The following MED26 variants were observed in gnomAD, a reference collection of about 807,000 sequenced individuals.
MED26 encodes mediator of RNA polymerase II transcription subunit 26.
A neutral mutation model predicts 43.7 loss-of-function variants in MED26; 7 were observed. The ratio of observed to expected loss-of-function variants is 0.16; its 90% CI spans 0.09 to 0.30. The LOEUF (loss-of-function observed/expected upper bound fraction) is 0.30. Among genes scored for constraint, MED26 ranks in the 10% least tolerant of loss-of-function variants. MED26 has a pLI of 1.00. For missense variants in MED26, 784 were observed against 840.6 expected, an observed-to-expected ratio of 0.93 and a Z score of 0.83; for synonymous variants, 375 against 371.1, an observed-to-expected ratio of 1.01 and a Z score of -0.12.
intron 1 of MED26, among the ~76,000 whole-genome samples, chr19:16,579,648 G>A (rs138754450): frequency 1.1e-4 from 17 of 152,256 alleles, no homozygotes; most frequent in South Asian, 8.3e-4. Flanking sequence ...GCTGGCTAGC[G>A]GGTGGGAGCC....
chr19:16,582,620 G>A (rs2086051489), intron 1 of MED26, among the ~76,000 whole-genome samples: 1 of 152,220 alleles, frequency 6.6e-6, no homozygotes, highest in African/African-American at 2.4e-5. Flanking sequence ...GGACTCGTAT[G>A]TGGCTGAGGG....
chr19:16,585,422 T>C (rs2086066205), intron 1 of MED26, among the ~76,000 whole-genome samples: 1 of 151,916 alleles, frequency 6.6e-6, no homozygotes, highest in South Asian at 2.1e-4. Context: ...AGGGAGGACT[T>C]GGCAAGAAGG....
At chr19:16,603,149 C>T (rs1380737871) in intron 1 of MED26, among the ~76,000 whole-genome samples, 2 of 152,224 alleles carry the variant, frequency 1.3e-5, no homozygotes, top group Non-Finnish European at 2.9e-5. Context: ...CCTGCACAGG[C>T]CACTGAGGCA....
At chr19:16,608,082 G>A (rs879879839) in intron 1 of MED26, among the ~76,000 whole-genome samples, 7 of 152,244 alleles carry the variant, frequency 4.6e-5, no homozygotes, top group Admixed American at 4.6e-4. Flanking sequence ...CCAGATCTCC[G>A]TCTGCACACG....
chr19:16,623,320 A>G (rs1361301071), intron 1 of MED26, among the ~76,000 whole-genome samples: 1 of 152,210 alleles, frequency 6.6e-6, no homozygotes, highest in Non-Finnish European at 1.5e-5. Context: ...GAATCTGGGC[A>G]ATTGTGGATC....
intron 1 of MED26, among the ~76,000 whole-genome samples, chr19:16,617,229 A>T (rs73006542): frequency 0.063 from 9,535 of 152,192 alleles, 401 homozygotes; most frequent in Middle Eastern, 0.099. Context: ...CAACTACACC[A>T]GAACACCTAA....
chr19:16,610,246 G>A (rs1389943145), intron 1 of MED26: 1 of 151,994 alleles, frequency 6.6e-6, no homozygotes, highest in Non-Finnish European at 1.5e-5. Flanking sequence ...GACAAGTAAA[G>A]TTTTTAGAGC....
Position 16,576,973 on chromosome 19 carries a change from C to G in MED26, c.857G>C (p.Arg286Pro), listed in dbSNP as rs537713915. 2.5e-6 allele frequency: 4 copies of G among 1,600,550 alleles called. No homozygotes were observed. Among genetic ancestry groups the G allele is most frequent in the Middle Eastern group, 1.7e-4 (1 of 6,028 alleles). Residue 286 changes from arginine (R) to proline (P), a missense_variant, in exon 3 of 3, where the codon CGG becomes CCG. By Grantham distance (103) the Arg-to-Pro change is moderately radical. Around this residue, in one of 3 missense-constraint regions of MED26, gnomAD observed 719 missense variants for 730.9 expected, o/e 0.98. Transcript: ENST00000263390. This position sits in a 1 kb window ranked among gnomAD's most constrained non-coding sequence, Gnocchi z 6.8. ...RNSRHEGSFARQQSLYAPKGS... is the reference protein window; with the variant it reads ...RNSRHEGSFAPQQSLYAPKGS... The stretch of plus-strand genomic sequence containing the variant: ...CTTGGGTGCATACAAGCTCTGCTGC[C>G]GGGCAAAGGAGCCCTCATGCCGTGA...
At chr19:16,578,308 C>T (rs375306589) in intron 2 of MED26, 27 bp downstream of exon 2, 3 of 1,610,732 alleles carry the variant, frequency 1.9e-6, no homozygotes, top group African/African-American at 2.7e-5. Flanking sequence ...TTCTGCCCTC[C>T]CAAATGCTGG....
chr19:16,588,851 A>C (rs944132490), intron 1 of MED26: 3 of 152,250 alleles, frequency 2.0e-5, no homozygotes, highest in Non-Finnish European at 2.9e-5. Context: ...GATCCTGAGA[A>C]CTAGTGACCT....
chr19:16,577,339 T>A lies in MED26; in HGVS notation c.491A>T (p.Lys164Met). The A allele has an allele frequency of 2.5e-6, 4 of 1,611,916 alleles. No individual in the cohort carries two copies. The highest frequency in any genetic ancestry group is 3.4e-6 in the Non-Finnish European group (4 of 1,179,130). Reference protein sequence around the residue: ...RDLGHPGPPPKVSKASHDPLV... With the variant: ...RDLGHPGPPPMVSKASHDPLV... Reference sequence around the variant, plus strand: ...GGGGTCGTGGCTAGCTTTGGAGACCTTGGGTGGCGGCCCTGGGTGGCCGAG... The same window carrying A: ...GGGGTCGTGGCTAGCTTTGGAGACCATGGGTGGCGGCCCTGGGTGGCCGAG... Residue 164 changes from lysine (K) to methionine (M), a missense_variant, in exon 3 of 3, where the codon AAG becomes ATG. Around this residue, in one of 3 missense-constraint regions of MED26, gnomAD observed 719 missense variants for 730.9 expected, o/e 0.98. Coordinates refer to ENST00000263390, the MANE Select transcript of MED26 (RefSeq NM_004831.5). This position sits in a 1 kb window ranked among gnomAD's most constrained non-coding sequence, Gnocchi z 8.1.
At chr19:16,625,525 T>G (rs764431915) in intron 1 of MED26, among the ~76,000 whole-genome samples, 2 of 151,546 alleles carry the variant, frequency 1.3e-5, no homozygotes, top group Non-Finnish European at 2.9e-5. Context: ...TAGTGTTGGC[T>G]CTTCAACACT....
In MED26 at chr19:16,628,005, G is replaced by A. The variant is rs1306475913; in HGVS notation, c.-62C>T. ...GGGCGGGCGGGCTGAGGCGGGGGACGGGGGTCACTCACTCGCCGGCCTCCG... is the reference window on the plus strand; with the variant it reads ...GGGCGGGCGGGCTGAGGCGGGGGACAGGGGTCACTCACTCGCCGGCCTCCG... On this transcript the variant is annotated 5_prime_UTR_variant, in exon 1 of 3. Coordinates refer to ENST00000263390, the MANE Select transcript of MED26 (RefSeq NM_004831.5). The A allele has an allele frequency of 1.2e-5, 13 of 1,099,900 alleles. No individual in the cohort carries two copies. The highest frequency in any genetic ancestry group is 1.9e-5 in the South Asian group (1 of 51,488). The allele number at this position is 1,099,900 out of a possible 1,614,324, so 68.1% of individuals were successfully genotyped here. A position where few individuals can be genotyped will look rare whatever the true frequency, so the allele number is the denominator to read the frequency against.
chr19:16,611,382 G>A (rs1286131555), intron 1 of MED26: 1 of 152,134 alleles, frequency 6.6e-6, no homozygotes, highest in African/African-American at 2.4e-5. Flanking sequence ...TTGCACACTA[G>A]TGTTCTGAAC....
intron 1 of MED26, among the ~76,000 whole-genome samples, chr19:16,589,838 A>C (rs1298522922): frequency 6.6e-6 from 1 of 152,240 alleles, no homozygotes; most frequent in African/African-American, 2.4e-5. Flanking sequence ...CATCCTACAG[A>C]AACAGATGGT....
At chr19:16,597,719 T>C (rs1162695781) in intron 1 of MED26, among the ~76,000 whole-genome samples, 1 of 152,040 alleles carries the variant, frequency 6.6e-6, no homozygotes, top group South Asian at 2.1e-4. Flanking sequence ...CTAAGGCTGG[T>C]TTTTTGTTTG....
intron 1 of MED26, chr19:16,589,431 T>G (rs180861909): frequency 6.6e-6 from 1 of 152,194 alleles, no homozygotes; most frequent in Non-Finnish European, 1.5e-5. Flanking sequence ...TCATGGTCTG[T>G]CCATTCAATG....
intron 1 of MED26, among the ~76,000 whole-genome samples, chr19:16,597,805 C>T (rs1323702610): frequency 6.6e-6 from 1 of 152,180 alleles, no homozygotes. Context: ...TCACCGCAAC[C>T]TCTGCGTCCC....
chr19:16,598,449 G>T (rs1397736560), intron 1 of MED26, among the ~76,000 whole-genome samples: 2 of 151,992 alleles, frequency 1.3e-5, no homozygotes, highest in Non-Finnish European at 1.5e-5. Flanking sequence ...GTCCCACTTG[G>T]GTTCTGGCGA....
Sources: allele counts gnomAD v4.1 joint callset (sites outside exome capture counted in the v4.1 genomes callset), GRCh38; gene constraint gnomAD v4.1.1; regional missense constraint gnomAD v4.1.1; non-coding constraint Gnocchi (gnomAD v3.1); transcripts MANE v1.5; gene names NCBI Gene and HGNC (gene_info 2026-07-23, HGNC 2026-07-21).